Variants in USP36 observed in about 807,000 individuals in gnomAD.
USP36 encodes ubiquitin specific peptidase 36.
USP36 carries 59 observed loss-of-function variants against 111.5 expected under a neutral mutation model. The observed-to-expected ratio is 0.53, with a 90% CI of 0.43 to 0.66. The LOEUF is 0.66. Ranked by LOEUF, USP36 falls within the 30% of genes least tolerant of loss-of-function variation. The pLI is 0.00. For missense variants in USP36, 1,488 were observed against 1,468.0 expected (o/e 1.01, Z -0.22); for synonymous variants, 628 against 581.0 (o/e 1.08, Z -1.16).
chr17:78,820,144 C>T, intron 8 of USP36, 132 bp from the exon 9 acceptor site: 1 of 813,924 alleles, frequency 1.2e-6, no homozygotes, highest in Non-Finnish European at 1.9e-6. Flanking sequence ...AAAATTTGCC[C>T]ACTAGCTGCC....
intron 8 of USP36, among the ~76,000 whole-genome samples, chr17:78,820,388 T>G (rs185247824): frequency 1.3e-5 from 2 of 152,162 alleles, no homozygotes; most frequent in Non-Finnish European, 2.9e-5. Context: ...CACTTAAGCC[T>G]AGAGGTCAAC....
Position 78,814,440 on chromosome 17 carries a change from T to C in USP36, c.1136A>G (p.His379Arg), listed in dbSNP as rs771314937. 3 of 1,614,060 alleles carry C rather than the reference T, an allele frequency of 1.9e-6. No homozygotes were observed. Among genetic ancestry groups the C allele is most frequent in the Admixed American group, 3.3e-5 (2 of 60,008 alleles). The change falls in exon 11 of 21, where the codon CAT (histidine) becomes CGT (arginine). Residue 379 changes from histidine (H) to arginine (R), a missense_variant. His to Arg is a conservative substitution (Grantham distance 29). Around this residue, in one of 3 missense-constraint regions of USP36, gnomAD observed 1,073 missense variants for 994.1 expected, o/e 1.08. Coordinates refer to ENST00000449938, the MANE Select transcript of USP36 (RefSeq NM_001385174.1). ...AVLVHSGYSC[H>R]AGHYYCYVKA... ...CACGTAGCAGTAATAGTGCCCGGCA[T>C]GGCAGCTGTAGCCCGAGTGCACCAG...
intron 17 of USP36, among the ~76,000 whole-genome samples, chr17:78,801,177 C>T (rs1030419188): frequency 2.0e-5 from 3 of 151,932 alleles, no homozygotes; most frequent in Non-Finnish European, 2.9e-5. Flanking sequence ...GGGGTTTCAC[C>T]GTGTCAGCCA....
At chr17:78,836,450 G>GGCTCACGCCT in intron 2 of USP36, 78 bp from the exon 3 acceptor site, 1 of 1,528,698 alleles carries the variant, frequency 6.5e-7, no homozygotes, top group Non-Finnish European at 8.8e-7. Context: ...TCTCCTCTTT[G>GGCTCACGCCT]GTCATTATGG....
At chr17:78,793,143 C>G (rs1160395364), downstream of USP36, among the ~76,000 whole-genome samples, 6 of 152,072 alleles carry the variant, frequency 3.9e-5, no homozygotes, top group Admixed American at 3.9e-4. Flanking sequence ...ATTGAGAACC[C>G]TGAGGTAAGA....
At chr17:78,836,069 C>G in intron 3 of USP36, 42 bp downstream of exon 3, 1 of 1,601,480 alleles carries the variant, frequency 6.2e-7, no homozygotes, top group Non-Finnish European at 8.5e-7. Flanking sequence ...CTTCGTCACC[C>G]CGGAGTGAGG....
rs1313397534 is a variant in USP36, at chr17:78,795,839, C to G, written c.*2061G>C. 6.6e-6 allele frequency: 1 copy of G among 152,226 alleles called. No homozygotes were observed. Among genetic ancestry groups the G allele is most frequent in the African/African-American group, 2.4e-5 (1 of 41,446 alleles). The allele number at this position is 152,226 out of a possible 1,614,324, so 9.4% of individuals were successfully genotyped here. On this transcript the variant is annotated 3_prime_UTR_variant, in exon 21 of 21. Transcript: ENST00000449938. This position sits in a 1 kb window ranked among gnomAD's most constrained non-coding sequence, Gnocchi z 4.5. ...AGGTAGCTGCTGTACACAGGCCCCA[C>G]TCCCTCCAGCTCCATTCCCAAGCAC... is the stretch of plus-strand genomic sequence containing the variant.
chr17:78,823,086 T>C (rs1051037253), intron 6 of USP36: 25 of 398,792 alleles, frequency 6.3e-5, no homozygotes, highest in African/African-American at 5.1e-4. Context: ...CACCTCAGTC[T>C]CTCATCTGGC....
rs1281496553 is a variant in USP36 at position 78,838,589 on chromosome 17, G to A, written c.-12C>T. On this transcript the variant is annotated splice_region_variant and 5_prime_UTR_variant, in exon 2 of 21. It introduces an in-frame stop codon into an upstream open reading frame of the 5' UTR. Coordinates refer to ENST00000449938, the MANE Select transcript of USP36 (RefSeq NM_001385174.1). ...ACACAGAAGCCTCGCAGACTCACCT[G>A]GGATGTGCAGACTTGGGCCTGCTGT... 6.6e-6 allele frequency: 1 copy of A among 152,154 alleles called. No individual in the cohort carries two copies. The highest frequency in any genetic ancestry group is 2.4e-5 in the African/African-American group (1 of 41,418). 9.4% of individuals were successfully genotyped at this position (152,154 alleles called of 1,614,324 possible). A position where few individuals can be genotyped will look rare whatever the true frequency, so the allele number is the denominator to read the frequency against.
intron 4 of USP36, among the ~76,000 whole-genome samples, chr17:78,829,570 C>T (rs1318684851): frequency 6.6e-6 from 1 of 152,154 alleles, no homozygotes; most frequent in East Asian, 1.9e-4. Flanking sequence ...GAGGGCTATA[C>T]AGTCTAGTCA....
In USP36 at chr17:78,836,341, T is replaced by G. The variant is rs761156888; in HGVS notation, c.23A>C (p.Lys8Thr). 8 of 1,614,014 alleles carry G rather than the reference T, an allele frequency of 5.0e-6. No homozygotes were observed. The South Asian group carries it at 7.7e-5, about 16-fold the overall frequency. Reference protein sequence around the residue: MPIVDKLKEALKPGRKDS... With the variant: MPIVDKLTEALKPGRKDS... ...CTTGCGGCCGGGTTTCAGGGCCTCCTTCAACTTATCCACTATTGGCATGGT... is the reference window on the plus strand; with the variant it reads ...CTTGCGGCCGGGTTTCAGGGCCTCCGTCAACTTATCCACTATTGGCATGGT... The change falls in exon 3 of 21, where the codon AAG becomes ACG. Residue 8 changes from lysine (K) to threonine (T), a missense_variant. Lys to Thr is a moderately conservative substitution (Grantham distance 78). Coordinates refer to ENST00000449938, the MANE Select transcript of USP36 (RefSeq NM_001385174.1).
intron 2 of USP36, among the ~76,000 whole-genome samples, chr17:78,838,234 A>C (rs2068861902): frequency 6.6e-6 from 1 of 152,008 alleles, no homozygotes; most frequent in Non-Finnish European, 1.5e-5. Context: ...CTAGCCAGGC[A>C]TGGTGGCAGG....
chr17:78,805,798 A>G (rs2093883050), intron 15 of USP36, among the ~76,000 whole-genome samples: 1 of 152,194 alleles, frequency 6.6e-6, no homozygotes, highest in Admixed American at 6.5e-5. Context: ...CCAAGGCCTC[A>G]CTTCGCCTTT....
chr17:78,837,066 A>T (rs2068754483), intron 2 of USP36, among the ~76,000 whole-genome samples: 1 of 152,230 alleles, frequency 6.6e-6, no homozygotes, highest in African/African-American at 2.4e-5. Context: ...TTTTTAGATC[A>T]GTTACCTGTT....
intron 4 of USP36, among the ~76,000 whole-genome samples, chr17:78,829,873 T>G (rs2067923614): frequency 6.6e-6 from 1 of 152,198 alleles, no homozygotes; most frequent in Non-Finnish European, 1.5e-5. Flanking sequence ...CCCAAGTGGC[T>G]GGGACTACAG....
At chr17:78,832,446 T>C (rs190112361) in intron 4 of USP36, among the ~76,000 whole-genome samples, 1 of 152,304 alleles carries the variant, frequency 6.6e-6, no homozygotes, top group Non-Finnish European at 1.5e-5. Context: ...TGCACTAATA[T>C]TTCACAGTGA....
chr17:78,823,374 C>T (rs57162507), intron 6 of USP36, among the ~76,000 whole-genome samples: 1,911 of 152,262 alleles, frequency 0.013, 46 homozygotes, highest in East Asian at 0.099. Context: ...TCCAGAAGCC[C>T]GCAAGCACCA....
At chr17:78,840,667 C>T (rs903917623) in intron 1 of USP36, 69 bp downstream of exon 1, 2 of 152,200 alleles carry the variant, frequency 1.3e-5, no homozygotes, top group Non-Finnish European at 2.9e-5. Context: ...GCGCCCCAGG[C>T]CTCGCGGAAC....
Position 78,798,405 on chromosome 17 carries a change from T to C in USP36, c.*15A>G, listed in dbSNP as rs756286998. The C allele has an allele frequency of 1.2e-6, 2 of 1,613,878 alleles. No homozygotes were observed. Among genetic ancestry groups the C allele is most frequent in the Non-Finnish European group, 1.7e-6 (2 of 1,179,984 alleles). On this transcript the variant is annotated 3_prime_UTR_variant, in exon 20 of 21. Transcript: ENST00000449938. This position sits in a 1 kb window ranked among gnomAD's most constrained non-coding sequence, Gnocchi z 5.1. Reference sequence around the variant, plus strand: ...CCCACCCCCTCGGAACCGACCTCCTTCCACAGGGGCACAGTCAGCGGCGAT... The same window carrying C: ...CCCACCCCCTCGGAACCGACCTCCTCCCACAGGGGCACAGTCAGCGGCGAT...
Sources: gnomAD v4.1 joint callset for allele counts (sites outside exome capture counted in the v4.1 genomes callset) on GRCh38, gnomAD v4.1.1 for gene constraint, gnomAD v4.1.1 regional missense constraint, Gnocchi (gnomAD v3.1) non-coding constraint, MANE v1.5 for transcripts, NCBI Gene and HGNC (gene_info 2026-07-23, HGNC 2026-07-21) for gene names.